Variants in C1QTNF3 observed in about 807,000 individuals in gnomAD.
C1QTNF3 encodes the protein C1q and TNF related 3.
A neutral mutation model predicts 32.6 loss-of-function variants in C1QTNF3; 26 were observed. The ratio of observed to expected loss-of-function variants is 0.80; its 90% CI spans 0.58 to 1.11. The LOEUF is 1.11. Ranked by LOEUF, C1QTNF3 falls within the 50% of genes least tolerant of loss-of-function variation. The pLI, the probability that C1QTNF3 is intolerant of heterozygous loss-of-function variation, is 0.00. For missense variants in C1QTNF3, 362 were observed against 398.2 expected, an observed-to-expected ratio of 0.91 and a Z score of 0.77; for synonymous variants, 155 against 146.0, an observed-to-expected ratio of 1.06 and a Z score of -0.44.
chr5:34,205,661 T>A, the C1QTNF3 span, among the ~76,000 whole-genome samples: 1 of 151,748 alleles, frequency 6.6e-6, no homozygotes, highest in Non-Finnish European at 1.5e-5. Flanking sequence ...AGCTCTTTTC[T>A]TTATAAATTA....
At chr5:34,098,403 T>C in the C1QTNF3 span, among the ~76,000 whole-genome samples, 3 of 152,016 alleles carry the variant, frequency 2.0e-5, no homozygotes, top group African/African-American at 7.3e-5. Context: ...GTCATTCAAC[T>C]TGGTTAGTTC....
the C1QTNF3 span, among the ~76,000 whole-genome samples, chr5:34,120,685 G>A: frequency 3.3e-4 from 50 of 152,184 alleles, no homozygotes; most frequent in South Asian, 3.5e-3. Context: ...GTGTTTCCGT[G>A]AACAAGTTCT....
the C1QTNF3 span, among the ~76,000 whole-genome samples, chr5:34,173,285 C>A: frequency 2.0e-5 from 3 of 151,948 alleles, no homozygotes; most frequent in Non-Finnish European, 2.9e-5. Flanking sequence ...TACAATTTCA[C>A]AGTATATTTT....
the C1QTNF3 span, chr5:34,124,383 C>T: frequency 1.7e-5 from 12 of 710,756 alleles, no homozygotes; most frequent in African/African-American, 3.5e-5. Context: ...AATTGGCTCA[C>T]GGTTCTGCAG....
the C1QTNF3 span, among the ~76,000 whole-genome samples, chr5:34,187,228 G>A: frequency 6.6e-6 from 1 of 152,132 alleles, no homozygotes; most frequent in African/African-American, 2.4e-5. Flanking sequence ...ATGCAGAACT[G>A]TGAGTCAATT....
At chr5:34,224,973 T>C in the C1QTNF3 span, among the ~76,000 whole-genome samples, 4 of 151,560 alleles carry the variant, frequency 2.6e-5, no homozygotes, top group African/African-American at 4.8e-5. Flanking sequence ...ACAAACAACC[T>C]CATCAAAAAG....
chr5:34,071,599 C>T, the C1QTNF3 span, among the ~76,000 whole-genome samples: 2 of 151,846 alleles, frequency 1.3e-5, no homozygotes, highest in African/African-American at 2.4e-5. Context: ...TTAGGCATAT[C>T]GTTTTTAAAA....
At position 34,018,252 on chromosome 5, in the gene C1QTNF3, T is replaced by A. The variant is rs959926045; in HGVS notation, c.*2331A>T. Among the ~76,000 whole-genome samples the A allele has an allele frequency of 9.9e-5, 15 of 151,936 alleles. No homozygotes were observed. Among genetic ancestry groups the A allele is most frequent in the African/African-American group, 2.4e-4 (10 of 41,440 alleles). On this transcript the variant is annotated 3_prime_UTR_variant, in exon 6 of 6. Transcript: ENST00000382065. Reference sequence around the variant, plus strand: ...CTATAGTGAGTTTTTTAAATAAAAATATATATATTTAAATATAACACTTCA... The same window carrying A: ...CTATAGTGAGTTTTTTAAATAAAAAAATATATATTTAAATATAACACTTCA...
the C1QTNF3 span, among the ~76,000 whole-genome samples, chr5:34,219,097 G>A: frequency 1.3e-5 from 2 of 151,954 alleles, no homozygotes; most frequent in Admixed American, 6.6e-5. Context: ...GTCTCTGTAC[G>A]TGTTCAATTA....
At chr5:34,140,931 T>C in the C1QTNF3 span, among the ~76,000 whole-genome samples, 2 of 152,232 alleles carry the variant, frequency 1.3e-5, no homozygotes. Flanking sequence ...TATAAATTCC[T>C]GACCTCCATA....
Position 34,028,798 on chromosome 5 carries a change from T to C in C1QTNF3, c.656A>G (p.Asn219Ser), listed in dbSNP as rs765593973. ...TCTACCAGTCATGACATCAAAGAAGTTTCCAATGTTGGTCTCAACACTGCT... is the reference window on the plus strand; with the variant it reads ...TCTACCAGTCATGACATCAAAGAAGCTTCCAATGTTGGTCTCAACACTGCT... The part of the protein sequence containing the change: ...IFSSVETNIG[N>S]FFDVMTGRFG... Residue 219 changes from asparagine to serine, a missense_variant, in exon 4 of 6, where the codon AAC (asparagine) becomes AGC (serine). Coordinates refer to ENST00000382065, the MANE Select transcript of C1QTNF3 (RefSeq NM_181435.6). 2 of 1,612,392 alleles carry C rather than the reference T, an allele frequency of 1.2e-6. No homozygotes were observed. The highest frequency in any genetic ancestry group is 1.7e-6 in the Non-Finnish European group (2 of 1,179,154).
At chr5:34,168,217 T>C in the C1QTNF3 span, 1 of 152,314 alleles carries the variant, frequency 6.6e-6, no homozygotes, top group Admixed American at 6.5e-5. Context: ...TTTGGATTTA[T>C]TCGTGATAAG....
the C1QTNF3 span, among the ~76,000 whole-genome samples, chr5:34,124,734 T>TA: frequency 6.6e-6 from 1 of 152,320 alleles, no homozygotes; most frequent in East Asian, 1.9e-4. Context: ...TGTTTTGTCT[T>TA]AAGCAGTCTT....
chr5:34,142,608 C>G, the C1QTNF3 span, among the ~76,000 whole-genome samples: 1 of 152,314 alleles, frequency 6.6e-6, no homozygotes, highest in Admixed American at 6.5e-5. Context: ...AGTAAAGAGC[C>G]TATCTACTGT....
chr5:34,054,844 CCCTTTTCTCCCT>C, the C1QTNF3 span, among the ~76,000 whole-genome samples: 1 of 152,134 alleles, frequency 6.6e-6, no homozygotes, highest in South Asian at 2.1e-4. Flanking sequence ...CTCCATCTCC[CCCTTTTCTCCCT>C]CCTTTTCCTT....
chr5:34,234,230 G>A, the C1QTNF3 span, among the ~76,000 whole-genome samples: 1 of 152,114 alleles, frequency 6.6e-6, no homozygotes, highest in African/African-American at 2.4e-5. Flanking sequence ...CTTAAACCAA[G>A]TAGAAGGTGA....
chr5:34,049,563 A>G, the C1QTNF3 span, among the ~76,000 whole-genome samples: 3 of 152,194 alleles, frequency 2.0e-5, no homozygotes, highest in Non-Finnish European at 4.4e-5. Context: ...GACAAGGCAA[A>G]TTGCATTTAC....
chr5:34,024,244 A>G, intron 4 of C1QTNF3: 1 of 430,398 alleles, frequency 2.3e-6, no homozygotes, highest in Non-Finnish European at 4.3e-6. Flanking sequence ...TAAGGGAAGG[A>G]GCCTACCTCA....
chr5:34,177,498 T>A, the C1QTNF3 span, among the ~76,000 whole-genome samples: 1 of 147,500 alleles, frequency 6.8e-6, no homozygotes, highest in African/African-American at 2.5e-5. Context: ...TTTTTTTTTT[T>A]TTTTTTGAGA....
Sources: gnomAD v4.1 joint callset for allele counts (sites outside exome capture counted in the v4.1 genomes callset) on GRCh38, gnomAD v4.1.1 for gene constraint, MANE v1.5 for transcripts, NCBI Gene and HGNC (gene_info 2026-07-23, HGNC 2026-07-21) for gene names.